MAN1A1: variants seen among roughly 807,000 people sequenced by gnomAD.
MAN1A1 encodes the protein mannosidase alpha class 1A member 1.
Under a neutral mutation model 70.8 loss-of-function variants are expected in MAN1A1, and 29 were observed. The observed-to-expected ratio is 0.41, with a 90% CI of 0.31 to 0.56. The LOEUF is 0.56. MAN1A1 is among the 20% of genes least tolerant of loss of function. The pLI is 0.29. For synonymous variants in MAN1A1, 349 were observed against 330.1 expected (o/e 1.06, Z -0.62); for missense variants, 747 against 841.3 (o/e 0.89, Z 1.39).
intron 5 of MAN1A1, among the ~76,000 whole-genome samples, chr6:119,260,143 T>A (rs1775568183): frequency 6.6e-6 from 1 of 152,216 alleles, no homozygotes; most frequent in Non-Finnish European, 1.5e-5. Context: ...GCTTTACTAG[T>A]CACATACTCT....
upstream of MAN1A1, chr6:119,350,401 TA>T: frequency 3.2e-6 from 1 of 316,288 alleles, no homozygotes; most frequent in Non-Finnish European, 4.6e-6. Flanking sequence ...TTTTACATCC[TA>T]AGAGACACAG....
chr6:119,314,161 C>T (rs1433959666), intron 2 of MAN1A1, among the ~76,000 whole-genome samples: 1 of 152,174 alleles, frequency 6.6e-6, no homozygotes, highest in African/African-American at 2.4e-5. Flanking sequence ...CATAGGCTGC[C>T]CTTCAGGGCC....
intron 4 of MAN1A1, among the ~76,000 whole-genome samples, chr6:119,295,314 C>T (rs555381710): frequency 4.6e-5 from 7 of 152,212 alleles, no homozygotes; most frequent in East Asian, 1.9e-4. Flanking sequence ...ATTAGCTATA[C>T]GATGACGTAT....
At chr6:119,276,989 G>C (rs376767906) in intron 5 of MAN1A1, among the ~76,000 whole-genome samples, 3 of 152,242 alleles carry the variant, frequency 2.0e-5, no homozygotes, top group African/African-American at 7.2e-5. Context: ...TCCTATTAAA[G>C]CTCTGGAATT....
chr6:119,338,725 C>G (rs577690029), intron 2 of MAN1A1, among the ~76,000 whole-genome samples: 2 of 152,328 alleles, frequency 1.3e-5, no homozygotes, highest in East Asian at 3.9e-4. Context: ...TCCCAACTGT[C>G]ACTTAAAAAT....
intron 2 of MAN1A1, 57 bp downstream of exon 2, chr6:119,348,406 C>T: frequency 6.8e-7 from 1 of 1,460,950 alleles, no homozygotes; most frequent in Non-Finnish European, 9.3e-7. Context: ...AAAGGCTTGC[C>T]GTTTCTCCCT....
At chr6:119,267,605 C>T (rs1562217885) in intron 5 of MAN1A1, among the ~76,000 whole-genome samples, 1 of 152,116 alleles carries the variant, frequency 6.6e-6, no homozygotes, top group Admixed American at 6.5e-5. Context: ...AAGACACATG[C>T]CATAGTAAGC....
chr6:119,305,595 G>A (rs1393431289), intron 3 of MAN1A1, among the ~76,000 whole-genome samples: 1 of 152,106 alleles, frequency 6.6e-6, no homozygotes, highest in African/African-American at 2.4e-5. Flanking sequence ...TAGACCAACA[G>A]TCTCTTTTCT....
At chr6:119,211,219 GT>G (rs1250133010) in intron 6 of MAN1A1, among the ~76,000 whole-genome samples, 1 of 152,186 alleles carries the variant, frequency 6.6e-6, no homozygotes, top group African/African-American at 2.4e-5. Flanking sequence ...ATTTGGCTAT[GT>G]TTTCCATCTC....
At chr6:119,259,682 C>G (rs560796679) in intron 5 of MAN1A1, among the ~76,000 whole-genome samples, 27 of 152,208 alleles carry the variant, frequency 1.8e-4, no homozygotes, top group African/African-American at 6.0e-4. Flanking sequence ...GGTGACACTG[C>G]TGGACAGAAA....
At chr6:119,301,626 C>A (rs180684851) in intron 4 of MAN1A1, among the ~76,000 whole-genome samples, 46 of 152,300 alleles carry the variant, frequency 3.0e-4, no homozygotes, top group African/African-American at 1.0e-3. Flanking sequence ...CAGCTCTTGA[C>A]ACACAACCAG....
At chr6:119,182,169 G>A (rs534599390) in intron 11 of MAN1A1, among the ~76,000 whole-genome samples, 3 of 152,114 alleles carry the variant, frequency 2.0e-5, no homozygotes, top group Admixed American at 6.5e-5. Context: ...CCATCTGTAC[G>A]TCTTCTTTGG....
intron 5 of MAN1A1, among the ~76,000 whole-genome samples, chr6:119,286,889 A>G (rs1411305182): frequency 6.6e-6 from 1 of 152,022 alleles, no homozygotes; most frequent in Non-Finnish European, 1.5e-5. Flanking sequence ...TTTCTCTGCC[A>G]TATTTATATT....
At chr6:119,319,437 C>T (rs1397965759) in intron 2 of MAN1A1, among the ~76,000 whole-genome samples, 2 of 151,042 alleles carry the variant, frequency 1.3e-5, no homozygotes, top group East Asian at 3.9e-4. Flanking sequence ...TGGCAAGTGG[C>T]CAGCAATAAA....
At chr6:119,292,931 G>A (rs1201989765) in intron 4 of MAN1A1, among the ~76,000 whole-genome samples, 2 of 152,138 alleles carry the variant, frequency 1.3e-5, no homozygotes, top group African/African-American at 2.4e-5. Flanking sequence ...TTTGGTTCAC[G>A]TGACTACGTT....
intron 2 of MAN1A1, among the ~76,000 whole-genome samples, chr6:119,328,197 T>C (rs1773205760): frequency 6.6e-6 from 1 of 152,192 alleles, no homozygotes; most frequent in Non-Finnish European, 1.5e-5. Flanking sequence ...AGAAGAACAG[T>C]AAGTCACCCA....
At chr6:119,259,626 T>C (rs1467073190) in intron 5 of MAN1A1, among the ~76,000 whole-genome samples, 1 of 152,176 alleles carries the variant, frequency 6.6e-6, no homozygotes, top group Non-Finnish European at 1.5e-5. Flanking sequence ...GTACAGAGTA[T>C]ATAGTTTTAT....
Position 119,270,207 on chromosome 6 carries a change from C to T in MAN1A1, c.897+20476G>A, listed in dbSNP as rs546595267. ...CCCTGGTTAGTGGAAAATATTAATT[C>T]AAGCCCGCACTCTGTGTGTTAGAGA... is the stretch of plus-strand genomic sequence containing the variant. On this transcript the variant is annotated intron_variant, in intron 5 of 12. Coordinates refer to ENST00000368468, the MANE Select transcript of MAN1A1 (RefSeq NM_005907.4). Among the ~76,000 whole-genome samples, 124 of 152,274 alleles carry T rather than the reference C, an allele frequency of 8.1e-4. 4 individuals carry two copies. In the South Asian group the frequency reaches 0.025, roughly 31 times the overall value.
At chr6:119,271,665 A>T (rs374707468) in intron 5 of MAN1A1, among the ~76,000 whole-genome samples, 121 of 149,132 alleles carry the variant, frequency 8.1e-4, no homozygotes, top group African/African-American at 2.8e-3. Flanking sequence ...ACACCTAGCT[A>T]TTTTTTTTTT....
Sources: gnomAD v4.1 joint callset for allele counts (sites outside exome capture counted in the v4.1 genomes callset) on GRCh38, gnomAD v4.1.1 for gene constraint, MANE v1.5 for transcripts, NCBI Gene and HGNC (gene_info 2026-07-23, HGNC 2026-07-21) for gene names.